GNPAT: variants seen among roughly 807,000 people sequenced by gnomAD.
GNPAT encodes the protein glyceronephosphate O-acyltransferase, also known as dihydroxyacetone phosphate acyltransferase.
In GNPAT, 30 loss-of-function variants were observed where a neutral mutation model predicts 78.4. The ratio of observed to expected loss-of-function variants is 0.38; its 90% CI spans 0.29 to 0.52. The LOEUF is 0.52. Ranked by LOEUF, GNPAT falls within the 20% of genes least tolerant of loss-of-function variation. GNPAT has a pLI of 0.84. For synonymous variants in GNPAT, 271 were observed against 281.1 expected (o/e 0.96, Z 0.36); for missense variants, 714 against 812.2 (o/e 0.88, Z 1.47).
intron 4 of GNPAT, among the ~76,000 whole-genome samples, chr1:231,263,497 C>G (rs1685282144): frequency 6.6e-6 from 1 of 152,190 alleles, no homozygotes; most frequent in Admixed American, 6.5e-5. Context: ...TAACAGAATG[C>G]CCTCAAGGTT....
chr1:231,265,023 A>G (rs1685335933), intron 4 of GNPAT, among the ~76,000 whole-genome samples: 1 of 152,174 alleles, frequency 6.6e-6, no homozygotes, highest in Non-Finnish European at 1.5e-5. Flanking sequence ...ATAATATCAT[A>G]GGGGTGTCTT....
Position 231,276,197 on chromosome 1 carries a change from G to A in GNPAT, c.1999+1G>A, listed in dbSNP as rs1685710036. On this transcript the variant is annotated splice_donor_variant, in intron 15 of 15. Coordinates refer to ENST00000366647, the MANE Select transcript of GNPAT (RefSeq NM_014236.4). LOFTEE classifies it high-confidence loss of function. ...ACAACCAAATTAGAAGAAATGCTTG[G>A]TAAGTGCAGTTTAATAAAATACAAG... 2 of 1,393,848 alleles carry A rather than the reference G, an allele frequency of 1.4e-6. No homozygotes were observed. The highest frequency in any genetic ancestry group is 2.0e-6 in the Non-Finnish European group (2 of 981,024). 86.3% of individuals were successfully genotyped at this position (1,393,848 alleles called of 1,614,324 possible).
chr1:231,274,154 G>A (rs914899706), intron 12 of GNPAT, 92 bp downstream of exon 12: 4 of 1,119,162 alleles, frequency 3.6e-6, no homozygotes, highest in Admixed American at 1.7e-5. Flanking sequence ...CTGAAGGGCA[G>A]GTATCTTCCC....
At chr1:231,245,786 A>G (rs1684730754) in intron 1 of GNPAT, among the ~76,000 whole-genome samples, 1 of 152,166 alleles carries the variant, frequency 6.6e-6, no homozygotes, top group Non-Finnish European at 1.5e-5. Context: ...CCTGACCAAC[A>G]TCGAGAAACC....
chr1:231,272,254 T>A, intron 10 of GNPAT, 58 bp from the exon 11 acceptor site: 1 of 850,498 alleles, frequency 1.2e-6, no homozygotes, highest in Non-Finnish European at 2.1e-6. Flanking sequence ...GACTTCCTGG[T>A]ACTCCCTTAA....
chr1:231,248,591 A>G (rs189874866), intron 1 of GNPAT, among the ~76,000 whole-genome samples: 157 of 152,276 alleles, frequency 1.0e-3, no homozygotes, highest in African/African-American at 3.6e-3. Flanking sequence ...CTTAAATGTA[A>G]AAATCCTCAT....
At chr1:231,266,724 G>A (rs1685399441) in intron 8 of GNPAT, among the ~76,000 whole-genome samples, 1 of 152,194 alleles carries the variant, frequency 6.6e-6, no homozygotes. Flanking sequence ...GAATTGTTGA[G>A]CACTATTGGT....
At chr1:231,267,366 C>T (rs1685418929) in intron 8 of GNPAT, among the ~76,000 whole-genome samples, 1 of 152,146 alleles carries the variant, frequency 6.6e-6, no homozygotes. Context: ...GTAATTTAGT[C>T]TACTGGGGCA....
chr1:231,265,887 A>G (rs1685368581), intron 6 of GNPAT, 100 bp downstream of exon 6: 1 of 1,055,758 alleles, frequency 9.5e-7, no homozygotes, highest in Admixed American at 1.7e-5. Flanking sequence ...TTTCAAGTGT[A>G]AATGTATAAC....
At chr1:231,273,248 C>CTTT (rs574185259) in intron 11 of GNPAT, among the ~76,000 whole-genome samples, 17 of 122,722 alleles carry the variant, frequency 1.4e-4, no homozygotes, top group Non-Finnish European at 2.2e-4. Flanking sequence ...GTGTTGGAAA[C>CTTT]TTTTTTTTTT....
intron 2 of GNPAT, among the ~76,000 whole-genome samples, chr1:231,252,210 G>C (rs1684917754): frequency 6.6e-6 from 1 of 152,200 alleles, no homozygotes; most frequent in Admixed American, 6.5e-5. Context: ...CTAGGGAGTG[G>C]TTGTAGAAAC....
chr1:231,276,251 AAG>A, intron 15 of GNPAT, 55 bp downstream of exon 15: 1 of 842,266 alleles, frequency 1.2e-6, no homozygotes, highest in Non-Finnish European at 2.0e-6. Context: ...GAATTAAAAT[AAG>A]AAAGTATACT....
chr1:231,269,845 T>C (rs1685507232), intron 9 of GNPAT: 1 of 152,050 alleles, frequency 6.6e-6, no homozygotes, highest in African/African-American at 2.4e-5. Context: ...TCTGTTCCTT[T>C]TTTCTTTTTT....
intron 3 of GNPAT, among the ~76,000 whole-genome samples, chr1:231,261,346 T>A (rs1011737322): frequency 2.0e-5 from 3 of 151,966 alleles, no homozygotes; most frequent in Non-Finnish European, 2.9e-5. Flanking sequence ...TTTTTTTTTT[T>A]AAAGAACAGG....
At chr1:231,243,414 C>T (rs1216125863) in intron 1 of GNPAT, among the ~76,000 whole-genome samples, 2 of 152,166 alleles carry the variant, frequency 1.3e-5, no homozygotes, top group Non-Finnish European at 2.9e-5. Flanking sequence ...ACCTCCATCT[C>T]CGGGGCTCAA....
chr1:231,277,459 C>G (rs761651528), intron 15 of GNPAT, 40 bp from the exon 16 acceptor site: 2 of 1,341,578 alleles, frequency 1.5e-6, no homozygotes, highest in South Asian at 2.3e-5. Context: ...AGGGCAAAAT[C>G]AGCATCATTT....
chr1:231,275,414 A>C lies in GNPAT; in HGVS notation c.1853A>C (p.Gln618Pro). ...TCACCCCCAATTTTAGGTACCTCTCAATGTTATGATGTATTATCTTCTGAT... is the reference window on the plus strand; with the variant it reads ...TCACCCCCAATTTTAGGTACCTCTCCATGTTATGATGTATTATCTTCTGAT... ...TSQLLDQGTS[Q>P]CYDVLSSDVQ... Residue 618 changes from glutamine (Q) to proline (P), a missense_variant, in exon 14 of 16, where the codon CAA (glutamine) becomes CCA (proline). Transcript: ENST00000366647. 1 of 1,608,310 alleles carries C rather than the reference A, an allele frequency of 6.2e-7. No homozygotes were observed. The highest frequency in any genetic ancestry group is 8.5e-7 in the Non-Finnish European group (1 of 1,174,742).
chr1:231,247,646 A>G (rs1405963573), intron 1 of GNPAT, among the ~76,000 whole-genome samples: 1 of 152,224 alleles, frequency 6.6e-6, no homozygotes, highest in Non-Finnish European at 1.5e-5. Context: ...CTTGTTCTTC[A>G]TAAAAGAGAC....
chr1:231,275,830 CAT>C (rs940379264), intron 14 of GNPAT, among the ~76,000 whole-genome samples: 5 of 152,114 alleles, frequency 3.3e-5, no homozygotes, highest in African/African-American at 1.2e-4. Flanking sequence ...ACACATAATA[CAT>C]ATATAGATAC....
Sources: allele counts gnomAD v4.1 joint callset (sites outside exome capture counted in the v4.1 genomes callset), GRCh38; gene constraint gnomAD v4.1.1; transcripts MANE v1.5; gene names NCBI Gene and HGNC (gene_info 2026-07-23, HGNC 2026-07-21).